Variants in NOTCH3 observed in about 807,000 individuals in gnomAD.
NOTCH3 encodes notch receptor 3.
A neutral mutation model predicts 213.3 loss-of-function variants in NOTCH3; 86 were observed. That is an observed-to-expected ratio of 0.40 (90% CI 0.34 to 0.48). The LOEUF is 0.48. Ranked by LOEUF, NOTCH3 falls within the 20% of genes least tolerant of loss-of-function variation. The pLI, the probability that NOTCH3 is intolerant of heterozygous loss-of-function variation, is 0.57. For synonymous variants in NOTCH3, 1,354 were observed against 1,355.9 expected, an observed-to-expected ratio of 1.00 and a Z score of 0.03; for missense variants, 2,783 against 3,272.6, an observed-to-expected ratio of 0.85 and a Z score of 3.65.
intron 2 of NOTCH3, among the ~76,000 whole-genome samples, chr19:15,193,809 C>T (rs375953443): frequency 2.9e-4 from 41 of 143,300 alleles, no homozygotes; most frequent in East Asian, 1.9e-3. Context: ...ACAGGCCAGG[C>T]GCAGTGGCTC....
chr19:15,170,085 C>T lies in NOTCH3; in HGVS notation c.5199+1G>A. ...GGCAAAGGTCAGAGGGGGGGCAGTA[C>T]CTTTAGCCGCTTGGCCTCTGGGCAC... On this transcript the variant is annotated splice_donor_variant, in intron 28 of 32. Coordinates refer to ENST00000263388, the MANE Select transcript of NOTCH3 (RefSeq NM_000435.3). LOFTEE classifies it high-confidence loss of function. 6.4e-7 allele frequency: 1 copy of T among 1,573,616 alleles called. No homozygotes were observed. The highest frequency in any genetic ancestry group is 8.7e-7 in the Non-Finnish European group (1 of 1,154,940).
chr19:15,165,450 G>T lies in NOTCH3; in HGVS notation c.5733C>A (p.Ile1911=), dbSNP rs1317653210. The change falls in exon 31 of 33, where the codon ATC becomes ATA. Residue 1911 remains isoleucine, a synonymous_variant. Transcript: ENST00000263388. The surrounding 1 kb of genome is among the most constrained non-coding windows in gnomAD (Gnocchi z 4.7). ...ARMADGSTAL[I]LAARLAVEGM... The stretch of plus-strand genomic sequence containing the variant: ...CCTCTACTGCCAGGCGGGCCGCCAG[G>T]ATCAGTGCCGTTGAGCCATCTGCCA... The T allele has an allele frequency of 8.7e-6, 14 of 1,612,768 alleles. No homozygotes were observed. The highest frequency in any genetic ancestry group is 1.3e-5 in the African/African-American group (1 of 75,058).
rs2046634000 is a variant in NOTCH3, at chr19:15,160,829, A to G, written c.6799T>C (p.Ser2267Pro). ...SPSPPSLSDW[S>P]ESTPSPATAT... ...GTGGCTGGGCTAGGCGTGGATTCGG[A>G]CCAGTCTGAGAGGGAGGGAGGTGAG... Residue 2267 changes from serine (S) to proline (P), a missense_variant, in exon 33 of 33, where the codon TCC becomes CCC. Ser to Pro is a moderately conservative substitution (Grantham distance 74). Around this residue, in one of 6 missense-constraint regions of NOTCH3, gnomAD observed 441 missense variants for 432.1 expected, o/e 1.02. Coordinates refer to ENST00000263388, the MANE Select transcript of NOTCH3 (RefSeq NM_000435.3). 1 of 1,613,712 alleles carries G rather than the reference A, an allele frequency of 6.2e-7. No homozygotes were observed. The highest frequency in any genetic ancestry group is 8.5e-7 in the Non-Finnish European group (1 of 1,179,910).
At chr19:15,167,584 C>T (rs1040273231) in intron 28 of NOTCH3, among the ~76,000 whole-genome samples, 173 bp from the exon 29 acceptor site, 3 of 152,118 alleles carry the variant, frequency 2.0e-5, no homozygotes, top group Non-Finnish European at 2.9e-5. Context: ...GACAGAGTCT[C>T]GCTCTGTCCC....
chr19:15,195,584 C>T (rs1039402267), intron 2 of NOTCH3, among the ~76,000 whole-genome samples: 1 of 152,052 alleles, frequency 6.6e-6, no homozygotes, highest in Non-Finnish European at 1.5e-5. Context: ...AGATCCCCCC[C>T]ACCCCGGCCC....
Position 15,185,574 on chromosome 19 carries a change from C to A in NOTCH3, c.2057G>T (p.Gly686Val). The A allele has an allele frequency of 6.2e-7, 1 of 1,613,632 alleles. No individual in the cohort carries two copies. The highest frequency in any genetic ancestry group is 8.5e-7 in the Non-Finnish European group (1 of 1,180,000). ...ENGFRCLCPP[G>V]SLPPLCLPPS... Reference sequence around the variant, plus strand: ...GGGGAGGCAGAGTGGGGGCAAGGAGCCAGGCGGGCAGAGGCAGCGGAAGCC... The same window carrying A: ...GGGGAGGCAGAGTGGGGGCAAGGAGACAGGCGGGCAGAGGCAGCGGAAGCC... The change falls in exon 13 of 33, where the codon GGC becomes GTC. Residue 686 changes from glycine to valine, a missense_variant. This residue lies in a region of NOTCH3 where 861 missense variants were observed against 909.1 expected (regional missense o/e 0.95). Transcript: ENST00000263388. The surrounding 1 kb of genome is among the most constrained non-coding windows in gnomAD (Gnocchi z 4.2).
intron 2 of NOTCH3, among the ~76,000 whole-genome samples, chr19:15,194,284 T>TGGGAGAAGGAAG (rs1488359484): frequency 6.6e-6 from 1 of 151,344 alleles, no homozygotes; most frequent in Non-Finnish European, 1.5e-5. Flanking sequence ...GAGATTTGGG[T>TGGGAGAAGGAAG]GGGAGAAGGA....
chr19:15,197,444 C>CCCCCCCCCCCCCCCCCCCCCCCA, intron 2 of NOTCH3, 56 bp downstream of exon 2: 1 of 662,104 alleles, frequency 1.5e-6, no homozygotes, highest in East Asian at 3.1e-5. Flanking sequence ...ACAAATCGCC[C>CCCCCCCCCCCCCCCCCCCCCCCA]CTCCCCCCCG....
chr19:15,178,904 G>A lies in NOTCH3; in HGVS notation c.3756C>T (p.Ser1252=), dbSNP rs377556280. 6.2e-7 allele frequency: 1 copy of A among 1,613,124 alleles called. No homozygotes were observed. The highest frequency in any genetic ancestry group is 8.5e-7 in the Non-Finnish European group (1 of 1,179,678). ...RCQTVLSPCE[S]QPCQHGGQCR... ...ACTGGCCTCCATGCTGGCATGGCTG[G>A]GACTCGCAGGGAGACAGGACAGTCT... Residue 1252 remains serine (S), a synonymous_variant, in exon 23 of 33, where the codon TCC becomes TCT. Coordinates refer to ENST00000263388, the MANE Select transcript of NOTCH3 (RefSeq NM_000435.3).
Position 15,165,835 on chromosome 19 carries a change from G to A in NOTCH3, c.5619C>T (p.Arg1873=). The A allele has an allele frequency of 1.2e-6, 2 of 1,613,848 alleles. No homozygotes were observed. The highest frequency in any genetic ancestry group is 1.7e-6 in the Non-Finnish European group (2 of 1,180,030). Reference sequence around the variant, plus strand: ...CTGTGACAGCTGTGTGCAGGGGAGTGCGGCCTGAGTGGTCCTGGGCATTGG... The same window carrying A: ...CTGTGACAGCTGTGTGCAGGGGAGTACGGCCTGAGTGGTCCTGGGCATTGG... ...ADTNAQDHSG[R]TPLHTAVTAD... Residue 1873 remains arginine, a synonymous_variant, in exon 30 of 33, where the codon CGC becomes CGT. Coordinates refer to ENST00000263388, the MANE Select transcript of NOTCH3 (RefSeq NM_000435.3). The surrounding 1 kb of genome is among the most constrained non-coding windows in gnomAD (Gnocchi z 4.7).
At position 15,167,708 on chromosome 19, in the gene NOTCH3, G is replaced by T. The variant is rs2074623; in HGVS notation, c.5200-297C>A. 0.79 allele frequency among the ~76,000 whole-genome samples: 119,557 copies of T among 151,978 alleles called. 48,293 individuals carry two copies. Among genetic ancestry groups the T allele is most frequent in the Non-Finnish European group, 0.89 (60,633 of 67,978 alleles). On this transcript the variant is annotated intron_variant, in intron 28 of 32. Transcript: ENST00000263388. The stretch of plus-strand genomic sequence containing the variant: ...AGCTGGGATTACAGGCACATGCCAC[G>T]GTGTCCAGCTAATTTTTTGTATTTT...
chr19:15,181,218 C>T (rs2046838720), intron 17 of NOTCH3, 56 bp from the exon 18 acceptor site: 1 of 1,495,622 alleles, frequency 6.7e-7, no homozygotes. Context: ...CAGGCCCTGC[C>T]CTCCTTCCTG....
At chr19:15,161,804 G>GT (rs1260476750) in intron 32 of NOTCH3, 90 bp from the exon 33 acceptor site, 1 of 1,131,972 alleles carries the variant, frequency 8.8e-7, no homozygotes, top group Non-Finnish European at 1.3e-6. Context: ...AGAGCTATGA[G>GT]TTTGTACACT....
intron 17 of NOTCH3, 87 bp from the exon 18 acceptor site, chr19:15,181,249 G>C (rs2046839240): frequency 8.1e-7 from 1 of 1,241,450 alleles, no homozygotes; most frequent in African/African-American, 1.5e-5. Flanking sequence ...TTAGCGCTGG[G>C]GACGTCCCAC....
In NOTCH3 at chr19:15,174,351, C is replaced by G. The variant is rs2046769084; in HGVS notation, c.4453G>C (p.Asp1485His). ...CADHFADGRC[D>H]QGCNTEECGW... The stretch of plus-strand genomic sequence containing the variant: ...CACTCCTCCGTGTTGCAGCCCTGGT[C>G]GCAGCGGCCGTCGGCAAAGTGGTCG... The change falls in exon 25 of 33, where the codon GAC becomes CAC. Residue 1485 changes from aspartate to histidine, a missense_variant. This residue lies in a region of NOTCH3 where 636 missense variants were observed against 801.8 expected (regional missense o/e 0.79). Transcript: ENST00000263388. The G allele has an allele frequency of 6.5e-7, 1 of 1,547,432 alleles. No homozygotes were observed. Among genetic ancestry groups the G allele is most frequent in the East Asian group, 2.4e-5 (1 of 40,922 alleles).
intron 28 of NOTCH3, 91 bp from the exon 29 acceptor site, chr19:15,167,502 T>C (rs929939179): frequency 8.2e-7 from 1 of 1,214,516 alleles, no homozygotes; most frequent in African/African-American, 1.5e-5. Context: ...TCCTACAGGT[T>C]TCTCTTTAGG....
chr19:15,159,576 A>G lies in NOTCH3; in HGVS notation c.*1086T>C. 4.6e-6 allele frequency: 1 copy of G among 219,476 alleles called. No homozygotes were observed. The allele number at this position is 219,476 out of a possible 1,614,324, so 13.6% of individuals were successfully genotyped here. ...AGCTCAAGTTAGCCCTGGGTGGGGG[A>G]GATAGAAGTCCCACTGCCACCACTC... On this transcript the variant is annotated 3_prime_UTR_variant, in exon 33 of 33. Coordinates refer to ENST00000263388, the MANE Select transcript of NOTCH3 (RefSeq NM_000435.3).
rs1277781385 is a variant in NOTCH3, at chr19:15,185,564, G to A, written c.2067C>T (p.Pro689=). The A allele has an allele frequency of 6.2e-7, 1 of 1,612,764 alleles. No homozygotes were observed. The highest frequency in any genetic ancestry group is 8.5e-7 in the Non-Finnish European group (1 of 1,179,676). The stretch of plus-strand genomic sequence containing the variant: ...GATGGCTCGGGGGGAGGCAGAGTGG[G>A]GGCAAGGAGCCAGGCGGGCAGAGGC... ...FRCLCPPGSL[P]PLCLPPSHPC... Residue 689 remains proline, a synonymous_variant, in exon 13 of 33, where the codon CCC becomes CCT. Transcript: ENST00000263388. This position sits in a 1 kb window ranked among gnomAD's most constrained non-coding sequence, Gnocchi z 4.2.
chr19:15,161,833 G>A (rs2046646838), intron 32 of NOTCH3, 119 bp from the exon 33 acceptor site: 1 of 832,532 alleles, frequency 1.2e-6, no homozygotes, highest in Admixed American at 2.6e-5. Context: ...ACAGACCTGG[G>A]TTAAATCCCG....
Sources: gnomAD v4.1 joint callset for allele counts (sites outside exome capture counted in the v4.1 genomes callset) on GRCh38, gnomAD v4.1.1 for gene constraint, gnomAD v4.1.1 regional missense constraint, Gnocchi (gnomAD v3.1) non-coding constraint, MANE v1.5 for transcripts, NCBI Gene and HGNC (gene_info 2026-07-23, HGNC 2026-07-21) for gene names.